The following CNTNAP2 variants were observed in gnomAD, a reference collection of about 807,000 sequenced individuals.
CNTNAP2 encodes contactin-associated protein-like 2.
CNTNAP2 carries 98 observed loss-of-function variants against 155.2 expected under a neutral mutation model. The observed-to-expected ratio is 0.63, with a 90% confidence interval of 0.54 to 0.75. CNTNAP2 has a LOEUF of 0.75. Ranked by LOEUF, CNTNAP2 falls within the 30% of genes least tolerant of loss-of-function variation. The pLI is 0.00. For synonymous variants in CNTNAP2, 651 were observed against 631.2 expected (o/e 1.03, Z -0.47); for missense variants, 1,727 against 1,688.1 (o/e 1.02, Z -0.40).
At chr7:147,252,612 G>C (rs1286171912) in intron 8 of CNTNAP2, among the ~76,000 whole-genome samples, 1 of 152,016 alleles carries the variant, frequency 6.6e-6, no homozygotes, top group Non-Finnish European at 1.5e-5. Flanking sequence ...TCCAAGTTTT[G>C]TAACTGACTA....
intron 8 of CNTNAP2, among the ~76,000 whole-genome samples, chr7:147,242,530 G>A (rs956135470): frequency 6.6e-6 from 1 of 152,136 alleles, no homozygotes; most frequent in African/African-American, 2.4e-5. Flanking sequence ...TTGGCTGGTA[G>A]ATTCTCTAGC....
chr7:147,832,053 T>C (rs1018582898), intron 13 of CNTNAP2, among the ~76,000 whole-genome samples: 3 of 151,354 alleles, frequency 2.0e-5, no homozygotes, highest in Non-Finnish European at 4.4e-5. Flanking sequence ...TACCTCATCT[T>C]ATCTCTTGAT....
chr7:148,211,950 T>C (rs867491678), intron 18 of CNTNAP2, among the ~76,000 whole-genome samples: 13 of 152,144 alleles, frequency 8.5e-5, no homozygotes, highest in African/African-American at 3.1e-4. Context: ...TGAGTCCTGA[T>C]AGGAAAGTTA....
chr7:148,259,178 T>A (rs1356023990), intron 20 of CNTNAP2, among the ~76,000 whole-genome samples: 1 of 18,154 alleles, frequency 5.5e-5, no homozygotes, highest in Middle Eastern at 0.036. Flanking sequence ...AAACTCCGTC[T>A]TAAAAAAAAA....
intron 13 of CNTNAP2, among the ~76,000 whole-genome samples, chr7:147,673,735 T>C (rs1236513360): frequency 2.6e-5 from 4 of 152,052 alleles, no homozygotes; most frequent in Non-Finnish European, 4.4e-5. Context: ...GGACATTAGA[T>C]TTTGAGACAC....
intron 15 of CNTNAP2, among the ~76,000 whole-genome samples, chr7:148,062,028 AGTGTGTGTGTGTGTGTGTGTGTGT>A (rs199528714): frequency 2.0e-4 from 21 of 106,018 alleles, no homozygotes; most frequent in African/African-American, 6.7e-4. Context: ...AGAGAGAGAG[AGTGTGTGTGTGTGTGTGTGTGTGT>A]GTGTGTGTGT....
At chr7:147,978,040 T>C (rs1801461412) in intron 15 of CNTNAP2, 51 bp downstream of exon 15, 2 of 1,610,184 alleles carry the variant, frequency 1.2e-6, no homozygotes, top group Non-Finnish European at 1.7e-6. Context: ...CATTTAAATA[T>C]TGTTTCCAGG....
At chr7:147,564,103 G>A (rs966648194) in intron 12 of CNTNAP2, among the ~76,000 whole-genome samples, 8 of 152,104 alleles carry the variant, frequency 5.3e-5, no homozygotes, top group Admixed American at 2.6e-4. Flanking sequence ...CCGGAGGTTC[G>A]AGGCTGCAGT....
chr7:146,186,910 A>G lies in CNTNAP2; in HGVS notation c.97+69937A>G, dbSNP rs184674279. On this transcript the variant is annotated intron_variant, in intron 1 of 23. Coordinates refer to ENST00000361727, the MANE Select transcript of CNTNAP2 (RefSeq NM_014141.6). ...TAATGCATTCAAACAACTTACCTCT[A>G]TTCAAGAACCTAGTAAATATTAAAG... Among the ~76,000 whole-genome samples the G allele has an allele frequency of 1.1e-4, 17 of 152,252 alleles. No homozygotes were observed. The East Asian group carries it at 3.3e-3, about 29-fold the overall frequency.
intron 11 of CNTNAP2, among the ~76,000 whole-genome samples, chr7:147,510,702 C>T (rs919578085): frequency 3.3e-4 from 49 of 150,740 alleles, no homozygotes; most frequent in Admixed American, 3.2e-3. Flanking sequence ...TCATAATTCC[C>T]AAGTAGTATG....
At chr7:147,666,746 G>A (rs762286590) in intron 13 of CNTNAP2, among the ~76,000 whole-genome samples, 1 of 152,154 alleles carries the variant, frequency 6.6e-6, no homozygotes, top group Non-Finnish European at 1.5e-5. Flanking sequence ...GTGTCAGAAA[G>A]AGGCCCTGTC....
chr7:147,267,995 C>T (rs573690058), intron 8 of CNTNAP2, among the ~76,000 whole-genome samples: 2 of 152,274 alleles, frequency 1.3e-5, no homozygotes, highest in South Asian at 4.1e-4. Flanking sequence ...AGGTTCCTCC[C>T]ACACACATGG....
chr7:148,243,768 G>A (rs181063547), intron 20 of CNTNAP2, among the ~76,000 whole-genome samples: 1,564 of 148,200 alleles, frequency 0.011, 14 homozygotes, highest in Non-Finnish European at 0.015. Context: ...TGGATAAAAG[G>A]AAATGTAATG....
At chr7:146,407,413 T>C (rs143642890) in intron 1 of CNTNAP2, among the ~76,000 whole-genome samples, 1 of 152,178 alleles carries the variant, frequency 6.6e-6, no homozygotes, top group Non-Finnish European at 1.5e-5. Context: ...TCATGAAATG[T>C]ACGATTTTAC....
chr7:147,868,851 G>A (rs981903401), intron 13 of CNTNAP2, among the ~76,000 whole-genome samples: 1 of 152,218 alleles, frequency 6.6e-6, no homozygotes, highest in African/African-American at 2.4e-5. Context: ...GGTCAGAAGT[G>A]TCCTATTTTT....
At chr7:146,329,514 C>G (rs1801147399) in intron 1 of CNTNAP2, among the ~76,000 whole-genome samples, 1 of 152,162 alleles carries the variant, frequency 6.6e-6, no homozygotes. Flanking sequence ...CAGCAGAAGT[C>G]TTGCATATAG....
intron 13 of CNTNAP2, among the ~76,000 whole-genome samples, chr7:147,654,366 G>C (rs1584881513): frequency 6.6e-6 from 1 of 152,126 alleles, no homozygotes; most frequent in South Asian, 2.1e-4. Flanking sequence ...TGATGACGAA[G>C]GTATAAGATA....
chr7:146,272,615 G>A (rs918999096), intron 1 of CNTNAP2, among the ~76,000 whole-genome samples: 2 of 152,204 alleles, frequency 1.3e-5, no homozygotes, highest in South Asian at 2.1e-4. Context: ...TCATAAAGAA[G>A]TAATGAGCAT....
chr7:148,253,049 G>A (rs1796395504), intron 20 of CNTNAP2, among the ~76,000 whole-genome samples: 1 of 62,326 alleles, frequency 1.6e-5, no homozygotes, highest in African/African-American at 4.8e-5. Context: ...TAGATAGATA[G>A]ACAGATGATA....
Sources: gnomAD v4.1 joint callset for allele counts (sites outside exome capture counted in the v4.1 genomes callset) on GRCh38, gnomAD v4.1.1 for gene constraint, MANE v1.5 for transcripts, NCBI Gene and HGNC (gene_info 2026-07-23, HGNC 2026-07-21) for gene names.